Variants in ATP8A1 observed in about 807,000 individuals in gnomAD.
ATP8A1 encodes phospholipid-transporting ATPase IA.
A neutral mutation model predicts 177.7 loss-of-function variants in ATP8A1; 90 were observed. The ratio of observed to expected loss-of-function variants is 0.51; its 90% CI spans 0.43 to 0.60. The LOEUF is 0.60. Ranked by LOEUF, ATP8A1 falls within the 20% of genes least tolerant of loss-of-function variation. The pLI, the probability that ATP8A1 is intolerant of heterozygous loss-of-function variation, is 0.00. For synonymous variants in ATP8A1, 493 were observed against 485.9 expected, an observed-to-expected ratio of 1.01 and a Z score of -0.19; for missense variants, 1,072 against 1,392.8, an observed-to-expected ratio of 0.77 and a Z score of 3.67.
At chr4:42,650,763 A>C (rs1214716474) in intron 1 of ATP8A1, among the ~76,000 whole-genome samples, 1 of 152,198 alleles carries the variant, frequency 6.6e-6, no homozygotes, top group African/African-American at 2.4e-5. Flanking sequence ...AGGTATGTGA[A>C]GTTTTTGTGT....
intron 27 of ATP8A1, among the ~76,000 whole-genome samples, chr4:42,458,439 T>C (rs1577971449): frequency 1.3e-5 from 2 of 152,220 alleles, no homozygotes; most frequent in Admixed American, 1.3e-4. Flanking sequence ...ATGTGACCAA[T>C]CATTTGAAAG....
chr4:42,655,490 A>C (rs1046048595), intron 1 of ATP8A1, among the ~76,000 whole-genome samples: 1 of 152,138 alleles, frequency 6.6e-6, no homozygotes, highest in Admixed American at 6.5e-5. Flanking sequence ...CACTATCTCT[A>C]TGACTAATTT....
chr4:42,656,990 G>GC lies in ATP8A1; in HGVS notation c.-118dup, dbSNP rs1225794836. On this transcript the variant is annotated 5_prime_UTR_variant, in exon 1 of 37. Coordinates refer to ENST00000381668, the MANE Select transcript of ATP8A1 (RefSeq NM_006095.2). ...GCTCAGCTGCAGCCTGGGCCGCGCC[G>GC]CCGCCCACCTAGGGCAGAGCTGCCG... 1 of 1,117,612 alleles carries GC rather than the reference G, an allele frequency of 8.9e-7. No individual in the cohort carries two copies. The highest frequency in any genetic ancestry group is 1.1e-6 in the Non-Finnish European group (1 of 870,894). 69.2% of individuals were successfully genotyped at this position (1,117,612 alleles called of 1,614,324 possible).
chr4:42,451,167 T>C (rs1717889738), intron 30 of ATP8A1, among the ~76,000 whole-genome samples: 1 of 152,166 alleles, frequency 6.6e-6, no homozygotes, highest in Non-Finnish European at 1.5e-5. Flanking sequence ...TGGCTACCTA[T>C]GGAGAGGAGA....
chr4:42,551,186 C>T lies in ATP8A1; in HGVS notation c.1602+12G>A, dbSNP rs1280794307. On this transcript the variant is annotated intron_variant, in intron 18 of 36. Transcript: ENST00000381668. ...CTTGGATTAAAAAGAACCTTAAAAACAACTAACTTACTGAATCTATAATCA... is the reference window on the plus strand; with the variant it reads ...CTTGGATTAAAAAGAACCTTAAAAATAACTAACTTACTGAATCTATAATCA... The T allele has an allele frequency of 1.2e-6, 2 of 1,605,228 alleles. No individual in the cohort carries two copies. The highest frequency in any genetic ancestry group is 3.3e-5 in the Admixed American group (2 of 59,918).
At chr4:42,447,810 T>C (rs571251511) in intron 30 of ATP8A1, among the ~76,000 whole-genome samples, 3 of 152,306 alleles carry the variant, frequency 2.0e-5, no homozygotes, top group Non-Finnish European at 2.9e-5. Flanking sequence ...TCAATCCCTA[T>C]GGAACTCTGT....
At chr4:42,539,070 C>T (rs1023657374) in intron 20 of ATP8A1, among the ~76,000 whole-genome samples, 4 of 152,160 alleles carry the variant, frequency 2.6e-5, no homozygotes, top group African/African-American at 9.7e-5. Context: ...CGGAATACTA[C>T]TCAGCCATTA....
At chr4:42,493,839 C>G (rs1215832183) in intron 24 of ATP8A1, among the ~76,000 whole-genome samples, 1 of 152,022 alleles carries the variant, frequency 6.6e-6, no homozygotes, top group East Asian at 1.9e-4. Context: ...TGTCCAGTGC[C>G]TGGCATGAAG....
At chr4:42,626,966 G>C (rs1281428684) in intron 2 of ATP8A1, 29 bp downstream of exon 2, 5 of 1,546,968 alleles carry the variant, frequency 3.2e-6, no homozygotes, top group Non-Finnish European at 4.5e-6. Context: ...CTGCTGGCTG[G>C]TCTCATGGCA....
chr4:42,452,050 C>T lies in ATP8A1; in HGVS notation c.2827G>A (p.Val943Ile). Reference protein sequence around the residue: ...ALDFNTKVFWVHCLNGLFHSV... With the variant: ...ALDFNTKVFWIHCLNGLFHSV... The stretch of plus-strand genomic sequence containing the variant: ...TGGAAGAGGCCATTTAAACAATGAA[C>T]CCAGAAAACCTGAGGGAAAACAAAA... The change falls in exon 30 of 37, where the codon GTT becomes ATT. Residue 943 changes from valine to isoleucine, a missense_variant. Coordinates refer to ENST00000381668, the MANE Select transcript of ATP8A1 (RefSeq NM_006095.2). 2 of 1,612,358 alleles carry T rather than the reference C, an allele frequency of 1.2e-6. No individual in the cohort carries two copies. The highest frequency in any genetic ancestry group is 1.7e-6 in the Non-Finnish European group (2 of 1,179,120).
chr4:42,430,079 T>C (rs1715098661), intron 33 of ATP8A1, among the ~76,000 whole-genome samples: 1 of 152,110 alleles, frequency 6.6e-6, no homozygotes, highest in Non-Finnish European at 1.5e-5. Flanking sequence ...ATACGCTTAA[T>C]GCCATTGAAT....
In ATP8A1 at chr4:42,561,386, AG is replaced by A. The variant is rs1183419306; in HGVS notation, c.1341-5347del. On this transcript the variant is annotated intron_variant, in intron 15 of 36. Coordinates refer to ENST00000381668, the MANE Select transcript of ATP8A1 (RefSeq NM_006095.2). The stretch of plus-strand genomic sequence containing the variant: ...GTGGACATGCCAATGGCTCAAAGGT[AG>A]GCAGCCCTCCAGACATCCCTCTGGG... 212 of 152,424 alleles carry A rather than the reference AG, an allele frequency of 1.4e-3. 1 individual carries two copies. The highest frequency in any genetic ancestry group is 4.8e-3 in the African/African-American group (198 of 41,576). The allele number at this position is 152,424 out of a possible 1,614,324, so 9.4% of individuals were successfully genotyped here. A position where few individuals can be genotyped will look rare whatever the true frequency, so the allele number is the denominator to read the frequency against.
intron 20 of ATP8A1, among the ~76,000 whole-genome samples, chr4:42,525,071 T>C (rs566184185): frequency 1.3e-5 from 2 of 152,364 alleles, no homozygotes; most frequent in African/African-American, 4.8e-5. Context: ...AATAAAACTG[T>C]AGTTATTCCC....
chr4:42,655,002 A>G (rs1214284938), intron 1 of ATP8A1, among the ~76,000 whole-genome samples: 2 of 152,250 alleles, frequency 1.3e-5, no homozygotes, highest in African/African-American at 4.8e-5. Flanking sequence ...CACAGTCCCA[A>G]GCACATGCTG....
intron 14 of ATP8A1, 115 bp from the exon 15 acceptor site, chr4:42,569,320 A>G (rs1286435547): frequency 1.5e-6 from 1 of 660,420 alleles, no homozygotes; most frequent in Non-Finnish European, 2.4e-6. Context: ...AAAGTTAACA[A>G]AATGAACTTT....
intron 29 of ATP8A1, among the ~76,000 whole-genome samples, 184 bp downstream of exon 29, chr4:42,455,109 TCAAC>T (rs777226185): frequency 6.6e-4 from 100 of 152,192 alleles, no homozygotes; most frequent in Non-Finnish European, 1.3e-3. Flanking sequence ...AACCCCAAAC[TCAAC>T]CAACCAACAA....
intron 14 of ATP8A1, among the ~76,000 whole-genome samples, chr4:42,573,790 G>A (rs142663619): frequency 1.1e-3 from 169 of 152,326 alleles, no homozygotes; most frequent in Admixed American, 8.3e-3. Context: ...GTGGGGAAGA[G>A]TGGGTGCAAG....
intron 33 of ATP8A1, among the ~76,000 whole-genome samples, chr4:42,440,387 T>G (rs150962148): frequency 6.6e-6 from 1 of 151,848 alleles, no homozygotes; most frequent in African/African-American, 2.4e-5. Context: ...CCACAAGGCT[T>G]TATGGGAAAC....
At chr4:42,589,043 G>C (rs909919171) in intron 7 of ATP8A1, among the ~76,000 whole-genome samples, 12 of 152,110 alleles carry the variant, frequency 7.9e-5, no homozygotes, top group Admixed American at 1.3e-4. Context: ...CACTTCATGG[G>C]TTCCCCACCA....
Sources: gnomAD v4.1 joint callset for allele counts (sites outside exome capture counted in the v4.1 genomes callset) on GRCh38, gnomAD v4.1.1 for gene constraint, MANE v1.5 for transcripts, NCBI Gene and HGNC (gene_info 2026-07-23, HGNC 2026-07-21) for gene names.